Variants in CAMK1D observed in about 807,000 individuals in gnomAD.
The protein encoded by CAMK1D is calcium/calmodulin-dependent protein kinase type 1D.
CAMK1D carries 9 observed loss-of-function variants against 47.7 expected under a neutral mutation model. The observed-to-expected ratio is 0.19, with a 90% CI of 0.11 to 0.33. The LOEUF (loss-of-function observed/expected upper bound fraction) is 0.33, where lower values mean the gene tolerates loss of function less well. Among genes scored for constraint, CAMK1D ranks in the 10% least tolerant of loss-of-function variants. The probability of loss-of-function intolerance (pLI) is 1.00; values close to 1 mark genes in which losing one functional copy is unlikely to be tolerated. For synonymous variants in CAMK1D, 184 were observed against 184.9 expected, an observed-to-expected ratio of 0.99 and a Z score of 0.04; for missense variants, 291 against 488.7, an observed-to-expected ratio of 0.60 and a Z score of 3.81.
intron 1 of CAMK1D, among the ~76,000 whole-genome samples, chr10:12,431,130 A>T (rs1404815140): frequency 6.6e-6 from 1 of 152,212 alleles, no homozygotes; most frequent in Non-Finnish European, 1.5e-5. Flanking sequence ...CTTATTTTTT[A>T]AAAAATTATG....
At chr10:12,505,650 C>T (rs372962007) in intron 1 of CAMK1D, among the ~76,000 whole-genome samples, 4 of 152,310 alleles carry the variant, frequency 2.6e-5, no homozygotes, top group South Asian at 4.1e-4. Context: ...ACAAAGAATA[C>T]ATAATATTGA....
intron 1 of CAMK1D, among the ~76,000 whole-genome samples, chr10:12,466,069 G>C (rs1833579084): frequency 6.6e-6 from 1 of 152,148 alleles, no homozygotes; most frequent in African/African-American, 2.4e-5. Context: ...TATAATCCCA[G>C]CTGCTTGGGA....
intron 1 of CAMK1D, among the ~76,000 whole-genome samples, chr10:12,505,193 C>T (rs943380121): frequency 8.5e-5 from 13 of 152,224 alleles, no homozygotes; most frequent in South Asian, 2.1e-4. Flanking sequence ...AAGAGGCGTG[C>T]GGTTGTAGAG....
At chr10:12,568,136 C>T (rs77128804) in intron 2 of CAMK1D, among the ~76,000 whole-genome samples, 1 of 62,094 alleles carries the variant, frequency 1.6e-5, no homozygotes, top group African/African-American at 7.3e-5. Context: ...TTCCCTCCCT[C>T]CCTCCCTCTC....
At chr10:12,819,203 G>A (rs544904048) in intron 8 of CAMK1D, among the ~76,000 whole-genome samples, 1 of 152,354 alleles carries the variant, frequency 6.6e-6, no homozygotes, top group South Asian at 2.1e-4. Flanking sequence ...GGGCCCAGCA[G>A]GAGGTGGAGG....
intron 3 of CAMK1D, among the ~76,000 whole-genome samples, chr10:12,691,583 C>A (rs894958470): frequency 6.6e-6 from 1 of 151,220 alleles, no homozygotes; most frequent in South Asian, 2.1e-4. Context: ...CAGGTGCCCA[C>A]CAGCACGTCC....
At chr10:12,686,696 C>T (rs892922450) in intron 3 of CAMK1D, among the ~76,000 whole-genome samples, 9 of 151,910 alleles carry the variant, frequency 5.9e-5, no homozygotes, top group East Asian at 1.9e-4. Flanking sequence ...AGGAAGTGTC[C>T]GGAGGAATAT....
At chr10:12,508,166 G>A (rs1367730155) in intron 1 of CAMK1D, among the ~76,000 whole-genome samples, 16 of 152,236 alleles carry the variant, frequency 1.1e-4, no homozygotes, top group Admixed American at 9.2e-4. Context: ...CCAGCTCTGT[G>A]CTATGTATGT....
At chr10:12,774,407 A>C (rs928161632) in intron 5 of CAMK1D, among the ~76,000 whole-genome samples, 3 of 152,100 alleles carry the variant, frequency 2.0e-5, no homozygotes, top group Non-Finnish European at 4.4e-5. Flanking sequence ...GCCTGAAGGC[A>C]GGAGAATGTG....
At chr10:12,424,157 T>A (rs886342824) in intron 1 of CAMK1D, among the ~76,000 whole-genome samples, 5 of 151,980 alleles carry the variant, frequency 3.3e-5, no homozygotes, top group African/African-American at 1.2e-4. Context: ...GCCCAGGCCC[T>A]CTTCTTGAAC....
At chr10:12,785,585 G>A (rs900744527) in intron 5 of CAMK1D, among the ~76,000 whole-genome samples, 5 of 152,196 alleles carry the variant, frequency 3.3e-5, no homozygotes, top group Middle Eastern at 3.2e-3. Flanking sequence ...ATCACTTTCC[G>A]AGGCCCCGGA....
At chr10:12,788,513 C>T (rs1029685169) in intron 5 of CAMK1D, among the ~76,000 whole-genome samples, 1 of 152,246 alleles carries the variant, frequency 6.6e-6, no homozygotes, top group Non-Finnish European at 1.5e-5. Context: ...AGCTGGTCAG[C>T]CGTTGCTCTA....
chr10:12,634,312 C>G (rs1326439276), intron 2 of CAMK1D, among the ~76,000 whole-genome samples: 4 of 152,032 alleles, frequency 2.6e-5, no homozygotes, highest in Admixed American at 2.0e-4. Context: ...AAAATAAAAC[C>G]AAAAAGCCCA....
intron 2 of CAMK1D, among the ~76,000 whole-genome samples, chr10:12,649,077 A>G (rs770110317): frequency 6.6e-6 from 1 of 152,174 alleles, no homozygotes; most frequent in Non-Finnish European, 1.5e-5. Context: ...TATGTTGCCC[A>G]GGCTGGTCTT....
At chr10:12,709,131 G>T (rs962196109) in intron 3 of CAMK1D, among the ~76,000 whole-genome samples, 7 of 152,204 alleles carry the variant, frequency 4.6e-5, no homozygotes, top group African/African-American at 1.7e-4. Flanking sequence ...TCACCTATGT[G>T]GGGGGCGGGT....
chr10:12,441,599 G>A (rs1230913583), intron 1 of CAMK1D, among the ~76,000 whole-genome samples: 2 of 150,436 alleles, frequency 1.3e-5, no homozygotes, highest in Non-Finnish European at 3.0e-5. Flanking sequence ...GATCACTGGA[G>A]GCCAGGAGTT....
chr10:12,795,197 G>A (rs1838143567), intron 6 of CAMK1D, among the ~76,000 whole-genome samples: 2 of 152,174 alleles, frequency 1.3e-5, no homozygotes, highest in South Asian at 4.1e-4. Context: ...AAGAGCATCA[G>A]ACAGGACAGG....
chr10:12,384,555 T>C (rs897834805), intron 1 of CAMK1D, among the ~76,000 whole-genome samples: 5 of 152,224 alleles, frequency 3.3e-5, no homozygotes, highest in African/African-American at 9.6e-5. Flanking sequence ...TTCTTTTGAC[T>C]GTCTTATTGG....
rs776455562 is a variant in CAMK1D at position 12,833,428 on chromosome 10, C to T, written c.*4541C>T. 3 of 152,242 alleles carry T rather than the reference C, an allele frequency of 2.0e-5. No homozygotes were observed. Among genetic ancestry groups the T allele is most frequent in the Non-Finnish European group, 2.9e-5 (2 of 68,060 alleles). 9.4% of individuals were successfully genotyped at this position (152,242 alleles called of 1,614,324 possible). ...TTGCTATTTTATGAGCATTTTTAAA[C>T]AGAAAGGAAAGATGATATCCCAGTG... On this transcript the variant is annotated 3_prime_UTR_variant, in exon 11 of 11. Coordinates refer to ENST00000619168, the MANE Select transcript of CAMK1D (RefSeq NM_153498.4).
Sources: gnomAD v4.1 joint callset for allele counts (sites outside exome capture counted in the v4.1 genomes callset) on GRCh38, gnomAD v4.1.1 for gene constraint, MANE v1.5 for transcripts, NCBI Gene and HGNC (gene_info 2026-07-23, HGNC 2026-07-21) for gene names.